The following PCNX4 variants were observed in gnomAD, a reference collection of about 807,000 sequenced individuals.
PCNX4 encodes pecanex-like protein 4.
In PCNX4, 103 loss-of-function variants were observed where a neutral mutation model predicts 107.2. The observed-to-expected ratio is 0.96, with a 90% CI of 0.82 to 1.13. PCNX4 has a LOEUF of 1.13. Among genes scored for constraint, PCNX4 ranks in the 50% most tolerant of loss-of-function variants. PCNX4 has a pLI of 0.00. For missense variants in PCNX4, 1,528 were observed against 1,379.4 expected, an observed-to-expected ratio of 1.11 and a Z score of -1.71; for synonymous variants, 541 against 481.7, an observed-to-expected ratio of 1.12 and a Z score of -1.61.
intron 2 of PCNX4, 95 bp downstream of exon 2, chr14:60,108,422 G>A: frequency 1.1e-6 from 1 of 932,632 alleles, no homozygotes; most frequent in Non-Finnish European, 1.6e-6. Context: ...ATGAATCCAT[G>A]GATTAAAAAT....
intron 10 of PCNX4, among the ~76,000 whole-genome samples, chr14:60,131,320 T>C (rs1248905162): frequency 2.0e-5 from 3 of 152,168 alleles, no homozygotes; most frequent in Non-Finnish European, 4.4e-5. Context: ...ATAGAATATC[T>C]AAGGAATCAA....
chr14:60,133,858 A>G (rs927578789), intron 10 of PCNX4, 112 bp from the exon 11 acceptor site: 3 of 1,088,864 alleles, frequency 2.8e-6, no homozygotes, highest in African/African-American at 1.6e-5. Flanking sequence ...TGAACTTGGG[A>G]AAAGTTTGCC....
chr14:60,120,508 A>G (rs1895934450), intron 7 of PCNX4, among the ~76,000 whole-genome samples: 1 of 152,230 alleles, frequency 6.6e-6, no homozygotes, highest in South Asian at 2.1e-4. Context: ...TGGTTCTGGT[A>G]TGTTAACACT....
intron 10 of PCNX4, among the ~76,000 whole-genome samples, chr14:60,133,197 G>C (rs1177310431): frequency 6.6e-6 from 1 of 152,154 alleles, no homozygotes; most frequent in Non-Finnish European, 1.5e-5. Flanking sequence ...CAAACCAACT[G>C]TACATCAATT....
intron 10 of PCNX4, among the ~76,000 whole-genome samples, chr14:60,130,125 T>C (rs1166943564): frequency 6.6e-6 from 1 of 151,684 alleles, no homozygotes; most frequent in East Asian, 1.9e-4. Flanking sequence ...ATCACTTGAG[T>C]CCAGGAGTTC....
rs763538408 is a variant in PCNX4, at chr14:60,115,229, C to G, written c.1125C>G (p.His375Gln). ...TTTTAGAAACTAGCTTGCTTCATCA[C>G]TTTGCTGGCTTCTCACAGATTTCTA... ...LALLETSLLH[H>Q]FAGFSQISKS... The change falls in exon 4 of 11, where the codon CAC (histidine) becomes CAG (glutamine). Residue 375 changes from histidine (H) to glutamine (Q), a missense_variant. His to Gln is a conservative substitution (Grantham distance 24). Transcript: ENST00000406854. 6.8e-6 allele frequency: 11 copies of G among 1,613,218 alleles called. No homozygotes were observed. In the South Asian group the frequency reaches 1.2e-4, roughly 18 times the overall value.
intron 2 of PCNX4, 113 bp downstream of exon 2, chr14:60,108,440 C>A: frequency 1.4e-6 from 1 of 739,410 alleles, no homozygotes; most frequent in Non-Finnish European, 2.2e-6. Flanking sequence ...AATCATCAAA[C>A]CATTGGGTGA....
intron 10 of PCNX4, among the ~76,000 whole-genome samples, chr14:60,131,121 C>G (rs1490371560): frequency 6.6e-6 from 1 of 152,184 alleles, no homozygotes; most frequent in Admixed American, 6.5e-5. Flanking sequence ...CCACCCCGAT[C>G]TTGGACCTCC....
intron 10 of PCNX4, among the ~76,000 whole-genome samples, chr14:60,128,663 A>C (rs1290187285): frequency 2.6e-5 from 4 of 152,226 alleles, no homozygotes; most frequent in African/African-American, 9.6e-5. Flanking sequence ...AAGAGCACCA[A>C]TAAAGGTAAC....
intron 10 of PCNX4, 109 bp from the exon 11 acceptor site, chr14:60,133,861 A>T (rs1275434974): frequency 9.0e-7 from 1 of 1,106,016 alleles, no homozygotes; most frequent in African/African-American, 1.6e-5. Context: ...ACTTGGGAAA[A>T]GTTTGCCTAA....
intron 10 of PCNX4, among the ~76,000 whole-genome samples, chr14:60,130,919 T>C (rs1252674489): frequency 1.3e-5 from 2 of 151,980 alleles, no homozygotes; most frequent in Non-Finnish European, 2.9e-5. Flanking sequence ...CTGATGGTAG[T>C]AGGAGGTGGG....
At chr14:60,117,121 A>G (rs1207502211) in intron 6 of PCNX4, among the ~76,000 whole-genome samples, 1 of 152,186 alleles carries the variant, frequency 6.6e-6, no homozygotes, top group East Asian at 1.9e-4. Context: ...AATATTTTAA[A>G]AATAAATTTA....
rs1055986022 is a variant in PCNX4 at position 60,100,359 on chromosome 14, C to T, written c.-53-7227C>T. Among the ~76,000 whole-genome samples, 5 of 152,144 alleles carry T rather than the reference C, an allele frequency of 3.3e-5. No individual in the cohort carries two copies. The South Asian group carries it at 6.2e-4, about 19-fold the overall frequency. On this transcript the variant is annotated intron_variant, in intron 1 of 10. Coordinates refer to ENST00000406854, the MANE Select transcript of PCNX4 (RefSeq NM_001330177.2). ...TGTCACCTAGGCTGGAGTGTAATCG[C>T]GCCATCTTGGCTCACTACAACCTCT...
chr14:60,107,659 A>G lies in PCNX4; in HGVS notation c.21A>G (p.Leu7=). MSPDVP[L]LNDYKQDFFL... ...TGAGGATGAGTCCAGATGTGCCTCT[A>G]CTGAATGATTACAAGCAGGACTTCT... The change falls in exon 2 of 11, where the codon CTA becomes CTG. Residue 7 remains leucine (L), a synonymous_variant. Coordinates refer to ENST00000406854, the MANE Select transcript of PCNX4 (RefSeq NM_001330177.2). 6.2e-7 allele frequency: 1 copy of G among 1,612,584 alleles called. No homozygotes were observed. The highest frequency in any genetic ancestry group is 8.5e-7 in the Non-Finnish European group (1 of 1,179,764).
chr14:60,094,652 C>T (rs1895385387), intron 1 of PCNX4, among the ~76,000 whole-genome samples: 1 of 151,440 alleles, frequency 6.6e-6, no homozygotes, highest in South Asian at 2.1e-4. Context: ...GCCCAGACCC[C>T]TCCTGCCCAT....
At chr14:60,093,172 C>A (rs1017129297) in intron 1 of PCNX4, among the ~76,000 whole-genome samples, 10 of 152,216 alleles carry the variant, frequency 6.6e-5, no homozygotes, top group Admixed American at 3.3e-4. Context: ...TAATTATTAA[C>A]TGCTGTGGAA....
intron 2 of PCNX4, chr14:60,109,952 G>C (rs1175583576): frequency 6.0e-6 from 1 of 167,120 alleles, no homozygotes; most frequent in Non-Finnish European, 1.5e-5. Flanking sequence ...GGCTTCTCCT[G>C]TTTCTAGTAA....
intron 10 of PCNX4, among the ~76,000 whole-genome samples, chr14:60,129,687 G>A (rs1289721888): frequency 2.0e-5 from 3 of 152,174 alleles, no homozygotes; most frequent in Admixed American, 1.3e-4. Context: ...TTTATAATGT[G>A]ATATGTATAA....
intron 1 of PCNX4, among the ~76,000 whole-genome samples, chr14:60,097,788 T>A (rs552291556): frequency 2.6e-5 from 4 of 152,352 alleles, no homozygotes; most frequent in South Asian, 4.1e-4. Flanking sequence ...CCTGCCTAAT[T>A]AACCTTTTTC....
Sources: allele counts gnomAD v4.1 joint callset (sites outside exome capture counted in the v4.1 genomes callset), GRCh38; gene constraint gnomAD v4.1.1; transcripts MANE v1.5; gene names NCBI Gene and HGNC (gene_info 2026-07-23, HGNC 2026-07-21).